DLG2: variants seen among roughly 807,000 people sequenced by gnomAD.
DLG2 encodes discs large MAGUK scaffold protein 2, also known as disks large homolog 2.
DLG2 carries 45 observed loss-of-function variants against 132.5 expected under a neutral mutation model. That is an observed-to-expected ratio of 0.34 (90% CI 0.27 to 0.44). DLG2 has a LOEUF of 0.44. DLG2 is among the 20% of genes least tolerant of loss of function. The pLI is 1.00. For synonymous variants in DLG2, 424 were observed against 419.6 expected (o/e 1.01, Z -0.13); for missense variants, 1,045 against 1,196.9 (o/e 0.87, Z 1.87).
rs748875403 is a variant in DLG2, at chr11:83,775,402, A to C, written c.1825+11288T>G. Among the ~76,000 whole-genome samples, 28 of 152,180 alleles carry C rather than the reference A, an allele frequency of 1.8e-4. 1 individual carries two copies. Among genetic ancestry groups the C allele is most frequent in the Non-Finnish European group, 1.0e-4 (7 of 68,024 alleles). ...GAAACTTTGTTTTACTCTACTGTAT[A>C]GTTTTTAACCTCGGGAAAACCACTT... On this transcript the variant is annotated intron_variant, in intron 18 of 27. Transcript: ENST00000376104.
intron 19 of DLG2, among the ~76,000 whole-genome samples, chr11:83,569,420 A>T (rs2096761357): frequency 6.6e-6 from 1 of 152,188 alleles, no homozygotes. Flanking sequence ...CAGCCATCTT[A>T]TTGAATTTTT....
At chr11:84,843,867 T>G (rs1364145869) in intron 6 of DLG2, among the ~76,000 whole-genome samples, 1 of 151,486 alleles carries the variant, frequency 6.6e-6, no homozygotes, top group Non-Finnish European at 1.5e-5. Context: ...AAGCTGACTG[T>G]GTGTGTATAT....
intron 3 of DLG2, among the ~76,000 whole-genome samples, chr11:85,557,942 A>G (rs2077026169): frequency 6.6e-6 from 1 of 151,874 alleles, no homozygotes; most frequent in Admixed American, 6.6e-5. Flanking sequence ...TGCAGCAAAA[A>G]CAAAAATAGA....
chr11:85,412,372 T>G (rs552661747), intron 3 of DLG2, among the ~76,000 whole-genome samples: 1 of 151,734 alleles, frequency 6.6e-6, no homozygotes, highest in Non-Finnish European at 1.5e-5. Flanking sequence ...GGATTCCTGA[T>G]GACATTCTTT....
Position 83,633,283 on chromosome 11 carries a change from T to C in DLG2, c.1868A>G (p.Gln623Arg). The C allele has an allele frequency of 6.2e-7, 1 of 1,613,730 alleles. No individual in the cohort carries two copies. The highest frequency in any genetic ancestry group is 1.7e-4 in the Middle Eastern group (1 of 6,060). The part of the protein sequence containing the change: ...FEAKIHDLRE[Q>R]MMNHSMSSGS... Reference sequence around the variant, plus strand: ...GGAGCTCATGCTGTGGTTCATCATCTGCTCTCGTAGGTCATGGATTTTGGC... The same window carrying C: ...GGAGCTCATGCTGTGGTTCATCATCCGCTCTCGTAGGTCATGGATTTTGGC... The change falls in exon 19 of 28, where the codon CAG becomes CGG. Residue 623 changes from glutamine (Q) to arginine (R), a missense_variant. Physicochemically the swap from Gln to Arg is conservative, Grantham distance 43. Transcript: ENST00000376104.
At chr11:84,238,724 G>T (rs906962900) in intron 8 of DLG2, among the ~76,000 whole-genome samples, 11 of 151,236 alleles carry the variant, frequency 7.3e-5, no homozygotes, top group African/African-American at 2.7e-4. Context: ...AAAATGTTAA[G>T]CCATTTCTCT....
intron 6 of DLG2, among the ~76,000 whole-genome samples, chr11:84,743,546 G>T (rs1488279687): frequency 6.6e-6 from 1 of 152,080 alleles, no homozygotes; most frequent in Non-Finnish European, 1.5e-5. Flanking sequence ...TCTCTCTAAA[G>T]AATTTACACA....
At chr11:84,254,866 A>T (rs1156561785) in intron 7 of DLG2, among the ~76,000 whole-genome samples, 2 of 152,150 alleles carry the variant, frequency 1.3e-5, no homozygotes, top group African/African-American at 4.8e-5. Context: ...TACCTCTCTA[A>T]AAGTCATTAA....
intron 3 of DLG2, among the ~76,000 whole-genome samples, chr11:85,388,930 A>T (rs1472668255): frequency 2.0e-5 from 3 of 152,164 alleles, no homozygotes; most frequent in African/African-American, 7.2e-5. Flanking sequence ...TGGTAATATG[A>T]CAAAACAAGG....
chr11:83,500,108 G>A (rs1170312796), intron 21 of DLG2, among the ~76,000 whole-genome samples: 4 of 151,294 alleles, frequency 2.6e-5, no homozygotes, highest in Admixed American at 6.6e-5. Context: ...ATGCCCCTTC[G>A]GTACTTTGCA....
At chr11:85,429,425 C>A (rs1388897926) in intron 3 of DLG2, among the ~76,000 whole-genome samples, 2 of 152,082 alleles carry the variant, frequency 1.3e-5, no homozygotes, top group Non-Finnish European at 2.9e-5. Flanking sequence ...GAACAGGAAC[C>A]TACAGAATGG....
At chr11:85,604,938 G>A (rs1250020886) in intron 2 of DLG2, among the ~76,000 whole-genome samples, 1 of 152,034 alleles carries the variant, frequency 6.6e-6, no homozygotes, top group Non-Finnish European at 1.5e-5. Context: ...AGAAAATGAT[G>A]ATACATAAAA....
chr11:84,629,906 C>A (rs1405197246), intron 6 of DLG2, among the ~76,000 whole-genome samples: 1 of 152,158 alleles, frequency 6.6e-6, no homozygotes, highest in South Asian at 2.1e-4. Context: ...ACTTTTTTCT[C>A]ATAATTTTTA....
rs55661228 is a variant in DLG2 at position 84,295,392 on chromosome 11, G to A, written c.520-44101C>T. Among the ~76,000 whole-genome samples, 1,316 of 152,230 alleles carry A rather than the reference G, an allele frequency of 8.6e-3. 15 individuals carry two copies. The highest frequency in any genetic ancestry group is 0.028 in the African/African-American group (1,181 of 41,528). On this transcript the variant is annotated intron_variant, in intron 7 of 27. Coordinates refer to ENST00000376104, the MANE Select transcript of DLG2 (RefSeq NM_001142699.3). ...CATAAAGCACATGGCATTATCAAAT[G>A]CCAGGGCTATAAAAGAAACTATGCA...
intron 15 of DLG2, among the ~76,000 whole-genome samples, chr11:83,890,574 C>G (rs758791030): frequency 6.6e-6 from 1 of 152,184 alleles, no homozygotes; most frequent in Non-Finnish European, 1.5e-5. Flanking sequence ...TCTCACCTTT[C>G]TTAATGAGGT....
chr11:84,505,937 G>T (rs1009970065), intron 7 of DLG2, among the ~76,000 whole-genome samples: 2 of 151,980 alleles, frequency 1.3e-5, no homozygotes, highest in Non-Finnish European at 2.9e-5. Context: ...ATTCCTGAAG[G>T]TTATAAATTC....
intron 6 of DLG2, among the ~76,000 whole-genome samples, chr11:84,795,599 G>C (rs192694242): frequency 1.3e-5 from 2 of 152,098 alleles, no homozygotes; most frequent in Admixed American, 1.3e-4. Flanking sequence ...AAGAACTCAG[G>C]ACCCACCAAA....
At chr11:85,325,268 C>T (rs943484277) in intron 3 of DLG2, among the ~76,000 whole-genome samples, 1 of 152,192 alleles carries the variant, frequency 6.6e-6, no homozygotes, top group African/African-American at 2.4e-5. Context: ...GCGGAGCCCA[C>T]CACAGCTCAA....
intron 2 of DLG2, among the ~76,000 whole-genome samples, chr11:85,620,014 G>A (rs2081592025): frequency 6.6e-6 from 1 of 152,106 alleles, no homozygotes; most frequent in South Asian, 2.1e-4. Context: ...CAGACAACAC[G>A]TTTTTCACAA....
Sources: gnomAD v4.1 joint callset for allele counts (sites outside exome capture counted in the v4.1 genomes callset) on GRCh38, gnomAD v4.1.1 for gene constraint, MANE v1.5 for transcripts, NCBI Gene and HGNC (gene_info 2026-07-23, HGNC 2026-07-21) for gene names.